ADAMTS7: variants seen among roughly 807,000 people sequenced by gnomAD.
The protein encoded by ADAMTS7 is A disintegrin and metalloproteinase with thrombospondin motifs 7.
In ADAMTS7, 89 loss-of-function variants were observed where a neutral mutation model predicts 172.6. The observed-to-expected ratio is 0.52, with a 90% CI of 0.43 to 0.61. The LOEUF is 0.61. ADAMTS7 is among the 20% of genes least tolerant of loss of function. The pLI, the probability that ADAMTS7 is intolerant of heterozygous loss-of-function variation, is 0.00. For missense variants in ADAMTS7, 1,973 were observed against 2,355.6 expected (o/e 0.84, Z 3.36); for synonymous variants, 885 against 978.4 (o/e 0.90, Z 1.78).
chr15:78,791,379 C>T (rs1311848865), intron 4 of ADAMTS7, among the ~76,000 whole-genome samples, 156 bp from the exon 5 acceptor site: 1 of 149,134 alleles, frequency 6.7e-6, no homozygotes, highest in Non-Finnish European at 1.5e-5. Context: ...AGTGGACAGG[C>T]GATGCATGTG....
Position 78,774,883 on chromosome 15 carries a change from C to G in ADAMTS7, c.1707-90G>C. 4.8e-6 allele frequency: 7 copies of G among 1,456,056 alleles called. No individual in the cohort carries two copies. The South Asian group carries it at 9.8e-5, about 20-fold the overall frequency. The allele number at this position is 1,456,056 out of a possible 1,614,324, so 90.2% of individuals were successfully genotyped here. A position where few individuals can be genotyped will look rare whatever the true frequency, so the allele number is the denominator to read the frequency against. ...CAGAGCAAGCAACTTCCTCCTGCAT[C>G]CACACCCCGAGATCCCTGCTGCCCA... On this transcript the variant is annotated intron_variant, in intron 11 of 23. Coordinates refer to ENST00000388820, the MANE Select transcript of ADAMTS7 (RefSeq NM_014272.5).
intron 1 of ADAMTS7, among the ~76,000 whole-genome samples, chr15:78,801,574 TC>T (rs1299863748): frequency 1.3e-5 from 2 of 152,178 alleles, no homozygotes; most frequent in African/African-American, 4.8e-5. Context: ...CCCACAGCAC[TC>T]CTGACATACC....
rs536229979 is a variant in ADAMTS7 at position 78,811,387 on chromosome 15, G to A, written c.-167C>T. 1.5e-4 allele frequency: 106 copies of A among 711,126 alleles called. No individual in the cohort carries two copies. The East Asian group carries it at 3.3e-3, about 22-fold the overall frequency. The allele number at this position is 711,126 out of a possible 1,614,324, so 44.1% of individuals were successfully genotyped here. ...CTGCGCTCGGTCCGCGGGCAACAAA[G>A]GCTGCAGGGCCCGCCCCCTTGGCCG... On this transcript the variant is annotated 5_prime_UTR_variant, in exon 1 of 24. Coordinates refer to ENST00000388820, the MANE Select transcript of ADAMTS7 (RefSeq NM_014272.5).
intron 2 of ADAMTS7, 84 bp downstream of exon 2, chr15:78,800,108 G>A (rs2055698733): frequency 1.6e-6 from 2 of 1,259,606 alleles, no homozygotes. Flanking sequence ...AAAGCCACCA[G>A]ACAAGTGCGT....
intron 8 of ADAMTS7, among the ~76,000 whole-genome samples, chr15:78,778,360 C>A (rs1026046026): frequency 6.6e-6 from 1 of 152,200 alleles, no homozygotes; most frequent in Non-Finnish European, 1.5e-5. Context: ...CCTTCTGGCA[C>A]CCGCTTCTGC....
chr15:78,788,166 C>A (rs2055531310), intron 8 of ADAMTS7, 65 bp downstream of exon 8: 1 of 1,590,102 alleles, frequency 6.3e-7, no homozygotes, highest in East Asian at 2.2e-5. Flanking sequence ...TGACTGTCTG[C>A]ATCTCTCCCA....
Position 78,763,980 on chromosome 15 carries a change from G to C in ADAMTS7, c.4539C>G (p.His1513Gln). 3 of 1,547,052 alleles carry C rather than the reference G, an allele frequency of 1.9e-6. No individual in the cohort carries two copies. Among genetic ancestry groups the C allele is most frequent in the Non-Finnish European group, 2.6e-6 (3 of 1,145,718 alleles). ...GGCAGGGCTGGGCCCCGCAGGGCCG[G>C]TGCGCAGGCGGCTTGGCAGGCCCGG... The part of the protein sequence containing the change: ...CQPGPAKPPA[H>Q]RPCGAQPCLS... Residue 1513 changes from histidine (H) to glutamine (Q), a missense_variant, in exon 21 of 24, where the codon CAC becomes CAG. Physicochemically the swap from His to Gln is conservative, Grantham distance 24 (BLOSUM62 0). Around this residue, in one of 8 missense-constraint regions of ADAMTS7, gnomAD observed 218 missense variants for 216.9 expected, o/e 1.01. Transcript: ENST00000388820.
chr15:78,759,694 C>T (rs1372991578), intron 23 of ADAMTS7, 116 bp from the exon 24 acceptor site: 4 of 1,298,188 alleles, frequency 3.1e-6, no homozygotes, highest in Non-Finnish European at 4.0e-6. Flanking sequence ...GCAGAGAGCC[C>T]CAGTTTCTGG....
rs1423357486 is a variant in ADAMTS7, at chr15:78,766,241, G to A, written c.3670C>T (p.Pro1224Ser). The part of the protein sequence containing the change: ...TNEVFKDDEE[P>S]KGRGAPHLPP... ...AGGTGGGGTGCTCCTCGGCCCTTGG[G>A]TTCCTCATCATCCTTGAAAACCTCA... Residue 1224 changes from proline to serine, a missense_variant, in exon 19 of 24, where the codon CCC (proline) becomes TCC (serine). Pro to Ser is a moderately conservative substitution (Grantham distance 74). Coordinates refer to ENST00000388820, the MANE Select transcript of ADAMTS7 (RefSeq NM_014272.5). 4 of 1,611,818 alleles carry A rather than the reference G, an allele frequency of 2.5e-6. No homozygotes were observed. Among genetic ancestry groups the A allele is most frequent in the African/African-American group, 2.7e-5 (2 of 74,978 alleles).
intron 20 of ADAMTS7, 44 bp downstream of exon 20, chr15:78,764,511 C>T (rs761452968): frequency 6.6e-7 from 1 of 1,520,652 alleles, no homozygotes; most frequent in Non-Finnish European, 8.8e-7. Flanking sequence ...CAGGGCTCCA[C>T]CCCATGCCCT....
intron 4 of ADAMTS7, among the ~76,000 whole-genome samples, chr15:78,796,327 C>T (rs1159562494): frequency 6.6e-6 from 1 of 152,166 alleles, no homozygotes; most frequent in African/African-American, 2.4e-5. Flanking sequence ...CTGCCTCAGT[C>T]TCCCACTCCT....
At chr15:78,789,926 T>C in intron 6 of ADAMTS7, 88 bp from the exon 7 acceptor site, 1 of 1,480,602 alleles carries the variant, frequency 6.8e-7, no homozygotes, top group Non-Finnish European at 9.0e-7. Flanking sequence ...CCCCCCGAAT[T>C]GATCCCAAGC....
Position 78,769,815 on chromosome 15 carries a change from A to G in ADAMTS7, c.2518+1347T>C, listed in dbSNP as rs568154825. Among the ~76,000 whole-genome samples the G allele has an allele frequency of 9.8e-5, 15 of 152,344 alleles. No individual in the cohort carries two copies. In the East Asian group the frequency reaches 2.9e-3, roughly 29 times the overall value. On this transcript the variant is annotated intron_variant, in intron 16 of 23. Transcript: ENST00000388820. ...CAATTTGCTGAAAGACAGTTCCCCA[A>G]ATGTCTAGTGCTGCAAGTGTATTTG...
At position 78,767,561 on chromosome 15, in the gene ADAMTS7, T is replaced by C; in HGVS notation, c.2677A>G (p.Ser893Gly). The part of the protein sequence containing the change: ...WWAGEWQLCS[S>G]SCGPGGLSRR... ...GAGAGGCCCCCAGGCCCGCAGGAGC[T>C]GGAGCACAGCTGCCACTCACCTGCC... is the stretch of plus-strand genomic sequence containing the variant. Residue 893 changes from serine to glycine, a missense_variant, in exon 18 of 24, where the codon AGC becomes GGC. Physicochemically the swap from Ser to Gly is moderately conservative, Grantham distance 56 (BLOSUM62 0). Coordinates refer to ENST00000388820, the MANE Select transcript of ADAMTS7 (RefSeq NM_014272.5). 6.4e-7 allele frequency: 1 copy of C among 1,559,306 alleles called. No homozygotes were observed. The highest frequency in any genetic ancestry group is 8.7e-7 in the Non-Finnish European group (1 of 1,152,772).
At position 78,789,778 on chromosome 15, in the gene ADAMTS7, C is replaced by G; in HGVS notation, c.1089G>C (p.Ala363=). Residue 363 remains alanine, a synonymous_variant, in exon 7 of 24, where the codon GCG becomes GCC. Transcript: ENST00000388820. ...AGCTGCGGTGCGGCTGGCACATGCC[C>G]GCCACATGGGACAGTCCCAGGGTCT... The part of the protein sequence containing the change: ...PCETLGLSHV[A]GMCQPHRSCS... 6.2e-7 allele frequency: 1 copy of G among 1,609,780 alleles called. No individual in the cohort carries two copies. The highest frequency in any genetic ancestry group is 8.5e-7 in the Non-Finnish European group (1 of 1,178,424).
chr15:78,762,935 G>T, intron 22 of ADAMTS7, among the ~76,000 whole-genome samples: 1 of 152,184 alleles, frequency 6.6e-6, no homozygotes, highest in African/African-American at 2.4e-5. Flanking sequence ...CGCTGTGCCC[G>T]AGGGACAGGG....
intron 16 of ADAMTS7, 116 bp from the exon 17 acceptor site, chr15:78,768,375 A>C: frequency 6.9e-7 from 1 of 1,447,652 alleles, no homozygotes; most frequent in Non-Finnish European, 9.5e-7. Context: ...CCGTGTCAGG[A>C]TGCCTTACTG....
At chr15:78,810,072 C>G (rs1346919779) in intron 1 of ADAMTS7, among the ~76,000 whole-genome samples, 2 of 152,246 alleles carry the variant, frequency 1.3e-5, no homozygotes, top group Non-Finnish European at 2.9e-5. Flanking sequence ...GCCCAGACTA[C>G]TTTCTCGTCA....
In ADAMTS7 at chr15:78,773,310, G is replaced by T; in HGVS notation, c.2011-107C>A. On this transcript the variant is annotated intron_variant, in intron 13 of 23. Transcript: ENST00000388820. ...GAGAAGAAAGCTGGGAGTTGGGGTC[G>T]GGAGGCCTCTCTCTGGCCCTGCCCC... is the stretch of plus-strand genomic sequence containing the variant. 2.7e-6 allele frequency: 3 copies of T among 1,101,140 alleles called. 1 individual carries two copies. The South Asian group carries it at 4.7e-5, about 17-fold the overall frequency. The allele number at this position is 1,101,140 out of a possible 1,614,324, so 68.2% of individuals were successfully genotyped here. A position where few individuals can be genotyped will look rare whatever the true frequency, so the allele number is the denominator to read the frequency against.
Sources: allele counts gnomAD v4.1 joint callset (sites outside exome capture counted in the v4.1 genomes callset), GRCh38; gene constraint gnomAD v4.1.1; regional missense constraint gnomAD v4.1.1; transcripts MANE v1.5; gene names NCBI Gene and HGNC (gene_info 2026-07-23, HGNC 2026-07-21).